ADAMTS16: variants seen among roughly 807,000 people sequenced by gnomAD.
The protein encoded by ADAMTS16 is A disintegrin and metalloproteinase with thrombospondin motifs 16.
ADAMTS16 carries 94 observed loss-of-function variants against 145.8 expected under a neutral mutation model. The ratio of observed to expected loss-of-function variants is 0.64; its 90% CI spans 0.55 to 0.77. ADAMTS16 has a LOEUF of 0.77. ADAMTS16 is among the 30% of genes least tolerant of loss of function. The pLI, the probability that ADAMTS16 is intolerant of heterozygous loss-of-function variation, is 0.00. For synonymous variants in ADAMTS16, 659 were observed against 604.3 expected, an observed-to-expected ratio of 1.09 and a Z score of -1.33; for missense variants, 1,585 against 1,591.5, an observed-to-expected ratio of 1.00 and a Z score of 0.07.
chr5:5,230,278 C>A (rs1736885048), intron 11 of ADAMTS16, among the ~76,000 whole-genome samples: 1 of 152,138 alleles, frequency 6.6e-6, no homozygotes, highest in Admixed American at 6.6e-5. Flanking sequence ...AGCATGTCAG[C>A]TGAATGCAAT....
intron 3 of ADAMTS16, among the ~76,000 whole-genome samples, chr5:5,162,595 A>G (rs1237566085): frequency 2.0e-5 from 3 of 152,174 alleles, no homozygotes; most frequent in Non-Finnish European, 4.4e-5. Flanking sequence ...CAGCTCTGCA[A>G]TTCTGTATGA....
chr5:5,153,094 A>G (rs1734516612), intron 3 of ADAMTS16, among the ~76,000 whole-genome samples: 1 of 152,216 alleles, frequency 6.6e-6, no homozygotes, highest in South Asian at 2.1e-4. Flanking sequence ...CCTTACAGGG[A>G]CCTGTGAGCT....
Position 5,243,091 on chromosome 5 carries a change from A to G in ADAMTS16, c.2662+900A>G, listed in dbSNP as rs77936296. On this transcript the variant is annotated intron_variant, in intron 17 of 22. Coordinates refer to ENST00000274181, the MANE Select transcript of ADAMTS16 (RefSeq NM_139056.4). ...CAAAAATAAATAAAAATAAATTTAC[A>G]TGTTCTCAATAGTTGCTCTAAATAA... 1.5e-3 allele frequency among the ~76,000 whole-genome samples: 235 copies of G among 152,392 alleles called. 1 individual carries two copies. The highest frequency in any genetic ancestry group is 5.3e-3 in the African/African-American group (219 of 41,602).
intron 21 of ADAMTS16, among the ~76,000 whole-genome samples, chr5:5,313,095 A>G (rs1285008336): frequency 6.6e-6 from 1 of 152,204 alleles, no homozygotes; most frequent in African/African-American, 2.4e-5. Context: ...GAGATACTCA[A>G]TCTGTTTGTC....
At chr5:5,265,396 C>A (rs542929928) in intron 18 of ADAMTS16, among the ~76,000 whole-genome samples, 1 of 152,024 alleles carries the variant, frequency 6.6e-6, no homozygotes, top group African/African-American at 2.4e-5. Flanking sequence ...CTGCAAAAAG[C>A]GTGAAGAAGG....
chr5:5,146,061 T>A, intron 2 of ADAMTS16, 69 bp from the exon 3 acceptor site: 1 of 1,367,292 alleles, frequency 7.3e-7, no homozygotes, highest in Non-Finnish European at 1.0e-6. Flanking sequence ...TAATATTATA[T>A]CTTAAGACTT....
chr5:5,144,469 G>A (rs756048055), intron 2 of ADAMTS16, among the ~76,000 whole-genome samples: 15 of 152,062 alleles, frequency 9.9e-5, no homozygotes, highest in Non-Finnish European at 1.8e-4. Context: ...TAGCTTTATG[G>A]TAATTTAGTT....
intron 8 of ADAMTS16, among the ~76,000 whole-genome samples, chr5:5,195,953 G>C (rs1735788587): frequency 6.6e-6 from 1 of 152,134 alleles, no homozygotes; most frequent in Admixed American, 6.5e-5. Context: ...TGGGCCGTGT[G>C]TGGTGGCTCA....
intron 12 of ADAMTS16, among the ~76,000 whole-genome samples, chr5:5,234,155 A>T (rs1247929297): frequency 1.3e-5 from 2 of 152,174 alleles, no homozygotes. Flanking sequence ...GCCACGCTGT[A>T]CCCCTTGCGC....
chr5:5,308,691 G>A (rs1740287601), intron 21 of ADAMTS16, among the ~76,000 whole-genome samples: 1 of 152,196 alleles, frequency 6.6e-6, no homozygotes, highest in East Asian at 1.9e-4. Flanking sequence ...TAGGATCCCT[G>A]TAATCCCAGC....
rs1369584689 is a variant in ADAMTS16 at position 5,217,665 on chromosome 5, C to T, written c.1606-5124C>T. Among the ~76,000 whole-genome samples, 3 of 152,070 alleles carry T rather than the reference C, an allele frequency of 2.0e-5. No homozygotes were observed. The East Asian group carries it at 5.8e-4, about 29-fold the overall frequency. ...GTTATGTTGTGGTGTTAAACCTTAACCAAGTTGGTATTACTGAAATTGGTT... is the reference window on the plus strand; with the variant it reads ...GTTATGTTGTGGTGTTAAACCTTAATCAAGTTGGTATTACTGAAATTGGTT... On this transcript the variant is annotated intron_variant, in intron 10 of 22. Coordinates refer to ENST00000274181, the MANE Select transcript of ADAMTS16 (RefSeq NM_139056.4).
intron 18 of ADAMTS16, among the ~76,000 whole-genome samples, chr5:5,268,500 C>T (rs1738341784): frequency 6.6e-6 from 1 of 152,202 alleles, no homozygotes; most frequent in South Asian, 2.1e-4. Context: ...CCTTCCAACG[C>T]ACCTACCTCT....
chr5:5,256,848 G>A (rs1043375007), intron 17 of ADAMTS16, among the ~76,000 whole-genome samples: 5 of 152,158 alleles, frequency 3.3e-5, no homozygotes, highest in African/African-American at 1.2e-4. Flanking sequence ...AAAGCCGTAA[G>A]AGTTTGGTTA....
intron 17 of ADAMTS16, among the ~76,000 whole-genome samples, chr5:5,254,752 G>T (rs1737730966): frequency 6.6e-6 from 1 of 151,992 alleles, no homozygotes. Context: ...ATTATCTGGT[G>T]ATTTATTTCT....
chr5:5,268,942 C>T (rs1738362391), intron 18 of ADAMTS16, among the ~76,000 whole-genome samples: 1 of 152,136 alleles, frequency 6.6e-6, no homozygotes. Flanking sequence ...AACTGCCCAC[C>T]AGCTCAGACT....
intron 9 of ADAMTS16, among the ~76,000 whole-genome samples, chr5:5,203,040 G>A (rs74727824): frequency 0.012 from 1,776 of 152,302 alleles, 16 homozygotes; most frequent in Non-Finnish European, 0.02. Context: ...GTTGAAGTGT[G>A]CTGATGTGTT....
At chr5:5,315,619 C>T (rs1246356946) in intron 21 of ADAMTS16, among the ~76,000 whole-genome samples, 1 of 152,144 alleles carries the variant, frequency 6.6e-6, no homozygotes, top group Non-Finnish European at 1.5e-5. Context: ...CTGTGAGCTG[C>T]TGTCTCAGCA....
chr5:5,143,057 A>G (rs1734207709), intron 2 of ADAMTS16, among the ~76,000 whole-genome samples: 1 of 152,230 alleles, frequency 6.6e-6, no homozygotes. Flanking sequence ...ATCTAACTCA[A>G]GGTGGATTAA....
intron 21 of ADAMTS16, among the ~76,000 whole-genome samples, chr5:5,307,055 C>T (rs941890957): frequency 6.6e-6 from 1 of 152,118 alleles, no homozygotes; most frequent in Non-Finnish European, 1.5e-5. Flanking sequence ...GAAAGGAATG[C>T]GAGCCCTGGG....
Sources: gnomAD v4.1 joint callset for allele counts (sites outside exome capture counted in the v4.1 genomes callset) on GRCh38, gnomAD v4.1.1 for gene constraint, MANE v1.5 for transcripts, NCBI Gene and HGNC (gene_info 2026-07-23, HGNC 2026-07-21) for gene names.